CORO2B: variants seen among roughly 807,000 people sequenced by gnomAD.
CORO2B encodes coronin 2B, also known as coronin-2B.
Under a neutral mutation model 58.8 loss-of-function variants are expected in CORO2B, and 26 were observed. The observed-to-expected ratio is 0.44, with a 90% CI of 0.32 to 0.61. The LOEUF is 0.61. CORO2B is among the 20% of genes least tolerant of loss of function. The pLI is 0.04. For synonymous variants in CORO2B, 242 were observed against 253.8 expected (o/e 0.95, Z 0.44); for missense variants, 460 against 645.1 (o/e 0.71, Z 3.11).
chr15:68,620,933 G>A (rs935731240), intron 1 of CORO2B, among the ~76,000 whole-genome samples: 5 of 152,300 alleles, frequency 3.3e-5, no homozygotes, highest in South Asian at 2.1e-4. Flanking sequence ...TCTGCTGGCC[G>A]AGCTCCACTT....
intron 3 of CORO2B, among the ~76,000 whole-genome samples, chr15:68,696,909 G>T (rs1892526295): frequency 6.6e-6 from 1 of 152,202 alleles, no homozygotes; most frequent in South Asian, 2.1e-4. Flanking sequence ...GCAGAGCCTG[G>T]GTACCGGTCA....
chr15:68,614,687 G>A (rs892641575), intron 1 of CORO2B, among the ~76,000 whole-genome samples: 1 of 152,162 alleles, frequency 6.6e-6, no homozygotes, highest in Admixed American at 6.5e-5. Flanking sequence ...CAGGACTCCC[G>A]GGAGCCCTCT....
intron 2 of CORO2B, among the ~76,000 whole-genome samples, chr15:68,681,058 C>T (rs1902762462): frequency 6.6e-6 from 1 of 152,072 alleles, no homozygotes; most frequent in Non-Finnish European, 1.5e-5. Flanking sequence ...TACAAAAATA[C>T]AAAAATTAGC....
chr15:68,725,360 CTT>C (rs1290871774), intron 11 of CORO2B, among the ~76,000 whole-genome samples: 3 of 151,964 alleles, frequency 2.0e-5, no homozygotes, highest in African/African-American at 4.8e-5. Context: ...CAAAGCGAGA[CTT>C]TGTCTCAAAA....
intron 1 of CORO2B, among the ~76,000 whole-genome samples, chr15:68,599,535 C>T (rs1171038958): frequency 6.6e-6 from 1 of 152,204 alleles, no homozygotes; most frequent in Non-Finnish European, 1.5e-5. Flanking sequence ...AATAAAGCCA[C>T]CCAACTCTGT....
At position 68,711,723 on chromosome 15, in the gene CORO2B, T is replaced by G. The variant is rs1892923862; in HGVS notation, c.648+17T>G. ...GTTCTGCAGGTGGAACCCTACATTT[T>G]TTGAGATTGAAGGGGAAGGTATTGA... On this transcript the variant is annotated intron_variant, in intron 5 of 11. Transcript: ENST00000261861. 6.2e-7 allele frequency: 1 copy of G among 1,613,510 alleles called. No homozygotes were observed. Among genetic ancestry groups the G allele is most frequent in the Non-Finnish European group, 8.5e-7 (1 of 1,179,872 alleles).
chr15:68,697,867 C>T (rs879763221), intron 3 of CORO2B, among the ~76,000 whole-genome samples: 3 of 152,184 alleles, frequency 2.0e-5, no homozygotes, highest in Non-Finnish European at 4.4e-5. Flanking sequence ...GGAGAGAGGG[C>T]AGGTGGAGGT....
chr15:68,535,537 A>G, the CORO2B span, among the ~76,000 whole-genome samples: 1 of 152,154 alleles, frequency 6.6e-6, no homozygotes, highest in Admixed American at 6.5e-5. Flanking sequence ...AATTATTATT[A>G]TTATTATTAA....
intron 2 of CORO2B, among the ~76,000 whole-genome samples, chr15:68,656,586 C>T (rs1901814544): frequency 6.6e-6 from 1 of 152,114 alleles, no homozygotes; most frequent in South Asian, 2.1e-4. Context: ...CCATTTCCCA[C>T]TCCTCCTTCC....
At chr15:68,557,480 A>G in the CORO2B span, among the ~76,000 whole-genome samples, 6,784 of 152,278 alleles carry the variant, frequency 0.045, 189 homozygotes, top group Middle Eastern at 0.11. Context: ...CAGTCTATCC[A>G]AGGTCATGGC....
the CORO2B span, among the ~76,000 whole-genome samples, chr15:68,530,327 AAAT>A: frequency 2.6e-5 from 4 of 151,892 alleles, no homozygotes; most frequent in Admixed American, 1.3e-4. Context: ...TCTGTCTCAA[AAAT>A]AATAATAATA....
chr15:68,600,958 A>G (rs1004086439), intron 1 of CORO2B, among the ~76,000 whole-genome samples: 2 of 152,130 alleles, frequency 1.3e-5, no homozygotes, highest in African/African-American at 4.8e-5. Context: ...CCGGAGAGAG[A>G]GGAATGAGTA....
chr15:68,711,850 C>A, intron 5 of CORO2B, 144 bp downstream of exon 5: 1 of 984,612 alleles, frequency 1.0e-6, no homozygotes, highest in South Asian at 1.5e-5. Context: ...CTTTCTCTCT[C>A]CTGGGCCCTT....
At chr15:68,610,261 G>A (rs1214055987) in intron 1 of CORO2B, among the ~76,000 whole-genome samples, 1 of 152,112 alleles carries the variant, frequency 6.6e-6, no homozygotes, top group South Asian at 2.1e-4. Context: ...GACGAGACAG[G>A]TTCTCTAGCG....
At chr15:68,652,557 C>G (rs1050775210) in intron 2 of CORO2B, among the ~76,000 whole-genome samples, 6 of 152,210 alleles carry the variant, frequency 3.9e-5, no homozygotes, top group African/African-American at 1.4e-4. Context: ...GCCTAGATAT[C>G]AAGAGTCTGG....
Position 68,695,266 on chromosome 15 carries a change from G to T in CORO2B, c.333+10G>T, listed in dbSNP as rs1161655837. ...CTCGGAGGACACGTCGGTGAGCAGA[G>T]GGGTGCTCCCGGAGGAGGGTGGGCT... On this transcript the variant is annotated intron_variant, in intron 3 of 11. Coordinates refer to ENST00000261861, the MANE Select transcript of CORO2B (RefSeq NM_006091.5). The T allele has an allele frequency of 1.2e-6, 2 of 1,604,126 alleles. No individual in the cohort carries two copies. The highest frequency in any genetic ancestry group is 2.2e-5 in the East Asian group (1 of 44,828).
In CORO2B at chr15:68,723,655, T is replaced by C. The variant is rs542579122; in HGVS notation, c.1312-2188T>C. On this transcript the variant is annotated intron_variant, in intron 11 of 11. Transcript: ENST00000261861. ...TTTTAGTAGAGATGGGGTTTCACCA[T>C]CTTGGCCAGACTGATCTTGAACTCC... Among the ~76,000 whole-genome samples, 67 of 152,126 alleles carry C rather than the reference T, an allele frequency of 4.4e-4. 1 individual carries two copies. In the Middle Eastern group the frequency reaches 0.01, roughly 23 times the overall value.
rs536069300 is a variant in CORO2B, at chr15:68,678,533, G to T, written c.217-16607G>T. On this transcript the variant is annotated intron_variant, in intron 2 of 11. Transcript: ENST00000261861. ...TACTAAAAATACAAAAATTAGCCAG[G>T]TGAGGTGGTGGGTGCCTGTTATCCC... is the stretch of plus-strand genomic sequence containing the variant. Among the ~76,000 whole-genome samples, 68 of 152,294 alleles carry T rather than the reference G, an allele frequency of 4.5e-4. 1 individual carries two copies. The South Asian group carries it at 0.014, about 32-fold the overall frequency.
chr15:68,598,242 C>T (rs943159179), intron 1 of CORO2B, among the ~76,000 whole-genome samples: 1 of 152,202 alleles, frequency 6.6e-6, no homozygotes, highest in Admixed American at 6.5e-5. Context: ...TGGGGTGTCC[C>T]GGCTCTCAGG....
Sources: allele counts gnomAD v4.1 joint callset (sites outside exome capture counted in the v4.1 genomes callset), GRCh38; gene constraint gnomAD v4.1.1; transcripts MANE v1.5; gene names NCBI Gene and HGNC (gene_info 2026-07-23, HGNC 2026-07-21).